The following CNTNAP5 variants were observed in gnomAD, a reference collection of about 807,000 sequenced individuals.
CNTNAP5 encodes the protein contactin associated protein family member 5.
A neutral mutation model predicts 150.2 loss-of-function variants in CNTNAP5; 72 were observed. The observed-to-expected ratio is 0.48, with a 90% confidence interval of 0.40 to 0.58. CNTNAP5 has a LOEUF of 0.58. Among genes scored for constraint, CNTNAP5 ranks in the 20% least tolerant of loss-of-function variants. The pLI is 0.00. For missense variants in CNTNAP5, 1,636 were observed against 1,626.2 expected (o/e 1.01, Z -0.10); for synonymous variants, 672 against 619.8 (o/e 1.08, Z -1.25).
intron 11 of CNTNAP5, among the ~76,000 whole-genome samples, chr2:124,582,091 A>G (rs143595392): frequency 7.1e-4 from 108 of 152,358 alleles, no homozygotes; most frequent in African/African-American, 2.3e-3. Context: ...TGGAAAGACT[A>G]CAAATGGAAG....
At chr2:124,729,376 AT>A (rs1338518897) in intron 13 of CNTNAP5, among the ~76,000 whole-genome samples, 1 of 152,008 alleles carries the variant, frequency 6.6e-6, no homozygotes, top group Non-Finnish European at 1.5e-5. Flanking sequence ...ATAATAATGA[AT>A]TTTTTATTAT....
chr2:124,606,004 G>A (rs1301978315), intron 11 of CNTNAP5, among the ~76,000 whole-genome samples: 7 of 151,802 alleles, frequency 4.6e-5, no homozygotes, highest in Admixed American at 4.6e-4. Flanking sequence ...ATCCTCTTAT[G>A]TTAATTCTTA....
chr2:124,534,950 A>G (rs1478996865), intron 10 of CNTNAP5, among the ~76,000 whole-genome samples: 2 of 152,150 alleles, frequency 1.3e-5, no homozygotes, highest in Non-Finnish European at 2.9e-5. Context: ...CCTAGCCCCT[A>G]TTCAAGACAG....
At chr2:124,409,854 C>G (rs1190493138) in intron 3 of CNTNAP5, among the ~76,000 whole-genome samples, 1 of 151,968 alleles carries the variant, frequency 6.6e-6, no homozygotes, top group Admixed American at 6.6e-5. Context: ...ATAATAATGA[C>G]AGGATCAAAT....
chr2:124,215,905 A>G (rs1046546709), intron 1 of CNTNAP5, among the ~76,000 whole-genome samples: 1 of 152,182 alleles, frequency 6.6e-6, no homozygotes, highest in East Asian at 1.9e-4. Flanking sequence ...CAAAGGTGCC[A>G]GAAAACTGGA....
intron 13 of CNTNAP5, among the ~76,000 whole-genome samples, chr2:124,711,793 A>G (rs778797197): frequency 1.3e-5 from 2 of 152,168 alleles, no homozygotes; most frequent in Non-Finnish European, 2.9e-5. Context: ...GTGAGCCAAG[A>G]TAGTGTCACT....
At position 124,772,330 on chromosome 2, in the gene CNTNAP5, T is replaced by C. The variant is rs115982128; in HGVS notation, c.2534-469T>C. On this transcript the variant is annotated intron_variant, in intron 16 of 23. Transcript: ENST00000682447. ...CCTTGGACAAGGCGATACAACTTTC[T>C]GAGCTTTTTTCATTATGGAAATAGC... Among the ~76,000 whole-genome samples the C allele has an allele frequency of 7.1e-3, 1,082 of 152,342 alleles. 13 individuals carry two copies. The highest frequency in any genetic ancestry group is 0.023 in the African/African-American group (940 of 41,592).
At chr2:124,193,547 T>A (rs1299236051) in intron 1 of CNTNAP5, among the ~76,000 whole-genome samples, 3 of 152,190 alleles carry the variant, frequency 2.0e-5, no homozygotes, top group African/African-American at 7.2e-5. Context: ...GGAATTTTAC[T>A]CAGCATGGGG....
rs1678860114 is a variant in CNTNAP5, at chr2:124,920,985, C to A, written c.*6697C>A. Among the ~76,000 whole-genome samples, 1 of 152,056 alleles carries A rather than the reference C, an allele frequency of 6.6e-6. No individual in the cohort carries two copies. Among genetic ancestry groups the A allele is most frequent in the African/African-American group, 2.4e-5 (1 of 41,432 alleles). ...GTGGAAATGCTGGAGTCTACCTTTT[C>A]CTTTTTATCTTCTGATTTTTGTTCC... On this transcript the variant is annotated 3_prime_UTR_variant, in exon 24 of 24. Transcript: ENST00000682447.
chr2:124,537,024 G>A (rs761494157), intron 10 of CNTNAP5, among the ~76,000 whole-genome samples: 38 of 151,350 alleles, frequency 2.5e-4, no homozygotes, highest in Non-Finnish European at 1.9e-4. Flanking sequence ...AATGTGTGGT[G>A]TGTGTGTGTG....
chr2:124,196,988 C>T (rs545655059), intron 1 of CNTNAP5, among the ~76,000 whole-genome samples: 7 of 152,326 alleles, frequency 4.6e-5, no homozygotes, highest in South Asian at 2.1e-4. Context: ...GCATGCATCT[C>T]GTGTCTCAGG....
chr2:124,045,386 C>T (rs1044627820), intron 1 of CNTNAP5, among the ~76,000 whole-genome samples: 1 of 151,632 alleles, frequency 6.6e-6, no homozygotes, highest in Admixed American at 6.6e-5. Flanking sequence ...TAAACTCCAC[C>T]TCCCAGGTTC....
chr2:124,675,716 C>T (rs1678925807), intron 13 of CNTNAP5, among the ~76,000 whole-genome samples: 1 of 152,116 alleles, frequency 6.6e-6, no homozygotes, highest in African/African-American at 2.4e-5. Flanking sequence ...TTAGTATGTA[C>T]TGCTTTGTGC....
rs543066624 is a variant in CNTNAP5, at chr2:124,457,897, A to G, written c.918+10960A>G. ...TACTCCTGCAAGAATGGCCATAATC[A>G]AAAAATCAAAAAATAGTAGATGTTG... On this transcript the variant is annotated intron_variant, in intron 6 of 23. Coordinates refer to ENST00000682447, the MANE Select transcript of CNTNAP5 (RefSeq NM_001367498.1). Among the ~76,000 whole-genome samples the G allele has an allele frequency of 4.6e-5, 7 of 152,180 alleles. 1 individual carries two copies. The South Asian group carries it at 1.5e-3, about 32-fold the overall frequency.
intron 3 of CNTNAP5, among the ~76,000 whole-genome samples, chr2:124,405,962 A>G (rs1013521768): frequency 3.3e-5 from 5 of 152,220 alleles, no homozygotes; most frequent in Non-Finnish European, 7.3e-5. Context: ...TCTTATGTAC[A>G]AAGCACTGAA....
chr2:124,690,052 T>G (rs1679269682), intron 13 of CNTNAP5, among the ~76,000 whole-genome samples: 2 of 152,038 alleles, frequency 1.3e-5, no homozygotes, highest in Non-Finnish European at 2.9e-5. Flanking sequence ...TATACATTAC[T>G]TTTATAACTT....
intron 1 of CNTNAP5, among the ~76,000 whole-genome samples, chr2:124,165,945 C>T (rs1276884624): frequency 1.3e-5 from 2 of 152,138 alleles, no homozygotes; most frequent in African/African-American, 4.8e-5. Flanking sequence ...CCCAAAACTC[C>T]TCATTGCTTT....
chr2:124,270,687 G>A lies in CNTNAP5; in HGVS notation c.381+28294G>A, dbSNP rs76926967. On this transcript the variant is annotated intron_variant, in intron 3 of 23. Coordinates refer to ENST00000682447, the MANE Select transcript of CNTNAP5 (RefSeq NM_001367498.1). ...TTTGTAAATTAAATGCCACATGTGC[G>A]CGTGCTTGCGTGCATGTGTGTGTGT... 6.1e-3 allele frequency among the ~76,000 whole-genome samples: 931 copies of A among 151,494 alleles called. 7 individuals carry two copies. Among genetic ancestry groups the A allele is most frequent in the African/African-American group, 0.021 (885 of 41,330 alleles).
At chr2:124,773,311 A>G (rs565181410) in intron 17 of CNTNAP5, among the ~76,000 whole-genome samples, 22 of 152,262 alleles carry the variant, frequency 1.4e-4, no homozygotes, top group African/African-American at 5.3e-4. Context: ...CATCATTGTA[A>G]TATAAATCTA....
Sources: gnomAD v4.1 joint callset for allele counts (sites outside exome capture counted in the v4.1 genomes callset) on GRCh38, gnomAD v4.1.1 for gene constraint, MANE v1.5 for transcripts, NCBI Gene and HGNC (gene_info 2026-07-23, HGNC 2026-07-21) for gene names.